The following CAST variants were observed in gnomAD, a reference collection of about 807,000 sequenced individuals.
CAST encodes the protein MIR583 host.
Under a neutral mutation model 119.6 loss-of-function variants are expected in CAST, and 76 were observed. The ratio of observed to expected loss-of-function variants is 0.64; its 90% CI spans 0.53 to 0.77. CAST has a LOEUF of 0.77. Ranked by LOEUF, CAST falls within the 30% of genes least tolerant of loss-of-function variation. CAST has a pLI of 0.00. For synonymous variants in CAST, 319 were observed against 331.6 expected (o/e 0.96, Z 0.41); for missense variants, 953 against 946.5 (o/e 1.01, Z -0.09).
chr5:95,980,616 T>C, the CAST span: 7 of 152,232 alleles, frequency 4.6e-5, no homozygotes, highest in South Asian at 6.2e-4. Context: ...TTTTATTTAC[T>C]ATTTAATGTT....
At position 96,741,022 on chromosome 5, in the gene CAST, T is replaced by C. The variant is rs187901199; in HGVS notation, c.918+239T>C. ...GGCGAGAAAGTATTAGGATAGAATA[T>C]TATGCATGTTCATAATAATAGAATG... On this transcript the variant is annotated intron_variant, in intron 13 of 31. Transcript: ENST00000675179. The C allele has an allele frequency of 8.5e-4, 508 of 596,192 alleles. 1 individual carries two copies. The highest frequency in any genetic ancestry group is 2.7e-3 in the Middle Eastern group (6 of 2,240). 36.9% of individuals were successfully genotyped at this position (596,192 alleles called of 1,614,324 possible).
the CAST span, chr5:96,423,594 T>A: frequency 2.5e-6 from 2 of 795,050 alleles, no homozygotes; most frequent in Non-Finnish European, 4.3e-6. Context: ...GCCAATTCAG[T>A]GAAATGAGAA....
the CAST span, among the ~76,000 whole-genome samples, chr5:96,231,982 A>G: frequency 6.6e-6 from 1 of 152,092 alleles, no homozygotes; most frequent in South Asian, 2.1e-4. Context: ...ACTGGGGAGA[A>G]AGGGGTGCCA....
the CAST span, among the ~76,000 whole-genome samples, chr5:96,355,298 T>C: frequency 6.6e-6 from 1 of 151,830 alleles, no homozygotes; most frequent in Non-Finnish European, 1.5e-5. Flanking sequence ...TCTGTTCCTG[T>C]GTTAGTTTGC....
intron 1 of CAST, among the ~76,000 whole-genome samples, chr5:96,530,093 G>T (rs1745663689): frequency 6.7e-6 from 1 of 149,566 alleles, no homozygotes. Context: ...AAGAGAAAAA[G>T]AAATAAACAT....
the CAST span, among the ~76,000 whole-genome samples, chr5:96,479,552 C>A: frequency 4.0e-5 from 6 of 150,850 alleles, no homozygotes; most frequent in African/African-American, 1.5e-4. Context: ...CAGGTTCAAG[C>A]GATTCTCCTG....
At chr5:96,476,927 CAAAAA>C in the CAST span, among the ~76,000 whole-genome samples, 2 of 132,142 alleles carry the variant, frequency 1.5e-5, no homozygotes, top group Non-Finnish European at 3.2e-5. Flanking sequence ...ATGTGGATGG[CAAAAA>C]AAAAAAAAAA....
the CAST span, among the ~76,000 whole-genome samples, chr5:96,114,627 C>T: frequency 2.9e-4 from 44 of 152,186 alleles, no homozygotes; most frequent in African/African-American, 9.6e-4. Flanking sequence ...GTTAAGAAAC[C>T]TCTACTGCTG....
the CAST span, among the ~76,000 whole-genome samples, chr5:96,016,198 T>C: frequency 6.6e-6 from 1 of 152,240 alleles, no homozygotes; most frequent in South Asian, 2.1e-4. Context: ...AGCCTCACAA[T>C]CATGTACGCC....
chr5:96,037,278 C>A, the CAST span, among the ~76,000 whole-genome samples: 1 of 152,126 alleles, frequency 6.6e-6, no homozygotes, highest in African/African-American at 2.4e-5. Context: ...CGCTGGGAAA[C>A]ATTTCAGGTT....
At chr5:96,759,699 G>GA (rs57011940) in intron 24 of CAST, among the ~76,000 whole-genome samples, 36 of 150,878 alleles carry the variant, frequency 2.4e-4, no homozygotes, top group Non-Finnish European at 4.4e-4. Flanking sequence ...TATAAAAGAG[G>GA]AAAAAAAACC....
intron 20 of CAST, among the ~76,000 whole-genome samples, chr5:96,752,850 T>G (rs1461035538): frequency 6.6e-6 from 1 of 151,950 alleles, no homozygotes; most frequent in Non-Finnish European, 1.5e-5. Context: ...ACATTTTTGT[T>G]TGACCAAGAC....
chr5:95,962,096 C>T, the CAST span: 30 of 385,914 alleles, frequency 7.8e-5, no homozygotes, highest in African/African-American at 5.4e-4. Context: ...CACGTCTGGT[C>T]GTCTTGGCTA....
chr5:96,450,150 C>T, the CAST span, among the ~76,000 whole-genome samples: 2 of 152,086 alleles, frequency 1.3e-5, no homozygotes, highest in East Asian at 1.9e-4. Context: ...TCATGGATTC[C>T]ACCTAAGTGC....
chr5:96,221,227 T>C, the CAST span, among the ~76,000 whole-genome samples: 1 of 151,974 alleles, frequency 6.6e-6, no homozygotes, highest in African/African-American at 2.4e-5. Context: ...TCTCCACTCT[T>C]ACCACTCCTA....
chr5:96,102,277 A>C, the CAST span, among the ~76,000 whole-genome samples: 9 of 152,242 alleles, frequency 5.9e-5, 1 homozygote, highest in Middle Eastern at 3.4e-3. Flanking sequence ...AGAAGGGAGC[A>C]GGAGAGGGGA....
At chr5:96,242,099 T>C in the CAST span, among the ~76,000 whole-genome samples, 1 of 148,342 alleles carries the variant, frequency 6.7e-6, no homozygotes, top group South Asian at 2.2e-4. Flanking sequence ...TTGGCTTTGG[T>C]TGCCATTGCT....
the CAST span, chr5:95,961,908 G>T: frequency 1.4e-6 from 1 of 703,620 alleles, no homozygotes; most frequent in Non-Finnish European, 2.1e-6. Context: ...CTCCGGCCCC[G>T]CGCCCCGCCC....
chr5:96,408,206 A>T, the CAST span: 1 of 1,584,966 alleles, frequency 6.3e-7, no homozygotes, highest in Non-Finnish European at 8.7e-7. Flanking sequence ...GGTGATTAGA[A>T]GCTTTCTGGG....
Sources: gnomAD v4.1 joint callset for allele counts (sites outside exome capture counted in the v4.1 genomes callset) on GRCh38, gnomAD v4.1.1 for gene constraint, MANE v1.5 for transcripts, NCBI Gene and HGNC (gene_info 2026-07-23, HGNC 2026-07-21) for gene names.